SLAMF8: variants seen among roughly 807,000 people sequenced by gnomAD.
SLAMF8 encodes SLAM family member 8, also known as B lymphocyte activator macrophage expressed.
A neutral mutation model predicts 29.0 loss-of-function variants in SLAMF8; 23 were observed. The ratio of observed to expected loss-of-function variants is 0.79; its 90% CI spans 0.57 to 1.13. The LOEUF is 1.13. Among genes scored for constraint, SLAMF8 ranks in the 50% most tolerant of loss-of-function variants. The probability of loss-of-function intolerance (pLI) is 0.00; values close to 1 mark genes in which losing one functional copy is unlikely to be tolerated. For missense variants in SLAMF8, 381 were observed against 353.1 expected (o/e 1.08, Z -0.63); for synonymous variants, 139 against 145.6 (o/e 0.96, Z 0.32).
Position 159,836,381 on chromosome 1 carries a change from C to T in SLAMF8, c.*1121C>T, listed in dbSNP as rs1335208161. 1.0e-6 allele frequency: 1 copy of T among 985,348 alleles called. No homozygotes were observed. The highest frequency in any genetic ancestry group is 1.2e-6 in the Non-Finnish European group (1 of 829,952). 61.0% of individuals were successfully genotyped at this position (985,348 alleles called of 1,614,324 possible). A position where few individuals can be genotyped will look rare whatever the true frequency, so the allele number is the denominator to read the frequency against. On this transcript the variant is annotated 3_prime_UTR_variant, in exon 5 of 5. Transcript: ENST00000289707. ...TGTGGCCATCTTAGGAAAATACATT[C>T]TGCCCCTGAATGATTCTGTCTAGAA...
rs1434656056 is a variant in SLAMF8, at chr1:159,835,271, G to A, written c.*11G>A. ...CAGGATCTGCCATAAAGGACAATAT[G>A]AACTGATGCCTGGACTATCAGTAAC... On this transcript the variant is annotated 3_prime_UTR_variant, in exon 5 of 5. Coordinates refer to ENST00000289707, the MANE Select transcript of SLAMF8 (RefSeq NM_020125.3). 3.1e-6 allele frequency: 5 copies of A among 1,612,412 alleles called. No homozygotes were observed. Among genetic ancestry groups the A allele is most frequent in the Admixed American group, 1.7e-5 (1 of 59,704 alleles).
intron 2 of SLAMF8, among the ~76,000 whole-genome samples, chr1:159,831,478 A>C (rs1328180331): frequency 1.4e-5 from 2 of 139,554 alleles, no homozygotes; most frequent in African/African-American, 2.7e-5. Flanking sequence ...TTACCCTGTG[A>C]CCCCCCTTAG....
rs1418706809 is a variant in SLAMF8 at position 159,837,288 on chromosome 1, A to T, written c.*2028A>T. The T allele has an allele frequency of 1.0e-6, 1 of 985,358 alleles. No homozygotes were observed. The highest frequency in any genetic ancestry group is 1.2e-6 in the Non-Finnish European group (1 of 829,988). The allele number at this position is 985,358 out of a possible 1,614,324, so 61.0% of individuals were successfully genotyped here. A position where few individuals can be genotyped will look rare whatever the true frequency, so the allele number is the denominator to read the frequency against. ...TAGTGGACTAATTAACCCTCCACCA[A>T]AAAAACACAAAGTGCTTCTGTGAGA... On this transcript the variant is annotated 3_prime_UTR_variant, in exon 5 of 5. Coordinates refer to ENST00000289707, the MANE Select transcript of SLAMF8 (RefSeq NM_020125.3).
chr1:159,827,014 G>A lies in SLAMF8; in HGVS notation c.40+76G>A, dbSNP rs557519076. 1.3e-4 allele frequency: 203 copies of A among 1,581,978 alleles called. 1 individual carries two copies. The highest frequency in any genetic ancestry group is 8.9e-4 in the Admixed American group (52 of 58,676). On this transcript the variant is annotated intron_variant, in intron 1 of 4. Coordinates refer to ENST00000289707, the MANE Select transcript of SLAMF8 (RefSeq NM_020125.3). ...CCAGCTGCCTATGCCAGACGTCTGG[G>A]CAGGGATCCCTCGACCTGGGTGAGA...
intron 4 of SLAMF8, 59 bp downstream of exon 4, chr1:159,833,428 G>A (rs1647651463): frequency 3.7e-6 from 6 of 1,609,938 alleles, no homozygotes; most frequent in Non-Finnish European, 5.1e-6. Context: ...GGGGAGGAGG[G>A]GGTCTTGGAC....
chr1:159,836,871 G>A lies in SLAMF8; in HGVS notation c.*1611G>A. 1.0e-6 allele frequency: 1 copy of A among 985,392 alleles called. No individual in the cohort carries two copies. Among genetic ancestry groups the A allele is most frequent in the Non-Finnish European group, 1.2e-6 (1 of 829,960 alleles). The allele number at this position is 985,392 out of a possible 1,614,324, so 61.0% of individuals were successfully genotyped here. ...CTATCACCTTCCCCCAAGATTACCTGAACAGGGTCCATGGCCACTCAACCT... is the reference window on the plus strand; with the variant it reads ...CTATCACCTTCCCCCAAGATTACCTAAACAGGGTCCATGGCCACTCAACCT... On this transcript the variant is annotated 3_prime_UTR_variant, in exon 5 of 5. Transcript: ENST00000289707.
Position 159,830,205 on chromosome 1 carries a change from G to T in SLAMF8, c.367+13G>T. On this transcript the variant is annotated intron_variant, in intron 2 of 4. Coordinates refer to ENST00000289707, the MANE Select transcript of SLAMF8 (RefSeq NM_020125.3). Reference sequence around the variant, plus strand: ...CTCAAGGTGTACGGTGAGTGTGTCTGACACTGGCTGCCTGGCCCTCTTCCC... The same window carrying T: ...CTCAAGGTGTACGGTGAGTGTGTCTTACACTGGCTGCCTGGCCCTCTTCCC... 1 of 1,559,514 alleles carries T rather than the reference G, an allele frequency of 6.4e-7. No homozygotes were observed. Among genetic ancestry groups the T allele is most frequent in the South Asian group, 1.2e-5 (1 of 83,056 alleles).
chr1:159,836,472 T>C lies in SLAMF8; in HGVS notation c.*1212T>C. 3.0e-6 allele frequency: 3 copies of C among 985,468 alleles called. No homozygotes were observed. The highest frequency in any genetic ancestry group is 3.6e-6 in the Non-Finnish European group (3 of 829,938). The allele number at this position is 985,468 out of a possible 1,614,324, so 61.0% of individuals were successfully genotyped here. ...GAGCTAAACTTACCTTCGGGGATTA[T>C]TAGCTGATAAGGTTCACAGTTTCTC... On this transcript the variant is annotated 3_prime_UTR_variant, in exon 5 of 5. Coordinates refer to ENST00000289707, the MANE Select transcript of SLAMF8 (RefSeq NM_020125.3).
chr1:159,837,260 AACTAGTGG>A lies in SLAMF8; in HGVS notation c.*2005_*2012del. The A allele has an allele frequency of 1.0e-6, 1 of 985,468 alleles. No individual in the cohort carries two copies. Among genetic ancestry groups the A allele is most frequent in the Non-Finnish European group, 1.2e-6 (1 of 829,980 alleles). 61.0% of individuals were successfully genotyped at this position (985,468 alleles called of 1,614,324 possible). ...TCCCATCCTTAATGACTCACTTGTCAACTAGTGGACTAATTAACCCTCCACCAAAAAAA... is the reference window on the plus strand; with the variant it reads ...TCCCATCCTTAATGACTCACTTGTCAACTAATTAACCCTCCACCAAAAAAA... On this transcript the variant is annotated 3_prime_UTR_variant, in exon 5 of 5. Transcript: ENST00000289707.
intron 2 of SLAMF8, among the ~76,000 whole-genome samples, chr1:159,832,326 AG>A (rs1482744698): frequency 1.3e-5 from 2 of 152,212 alleles, no homozygotes; most frequent in Non-Finnish European, 2.9e-5. Flanking sequence ...CCAGAAGGCT[AG>A]GAATGTGTTT....
Position 159,830,092 on chromosome 1 carries a change from G to A in SLAMF8, c.267G>A (p.Glu89=). 6.2e-7 allele frequency: 1 copy of A among 1,614,224 alleles called. No individual in the cohort carries two copies. Among genetic ancestry groups the A allele is most frequent in the Non-Finnish European group, 8.5e-7 (1 of 1,180,048 alleles). The change falls in exon 2 of 5, where the codon GAG becomes GAA. Residue 89 remains glutamate (E), a synonymous_variant. Coordinates refer to ENST00000289707, the MANE Select transcript of SLAMF8 (RefSeq NM_020125.3). ...RAQLHSNLSL[E]LGPLESGDSG... The stretch of plus-strand genomic sequence containing the variant: ...AGCTACACAGCAACCTCAGCCTGGA[G>A]CTCGGGCCGCTGGAGTCTGGAGACA...
At chr1:159,831,444 G>A (rs1647481618) in intron 2 of SLAMF8, among the ~76,000 whole-genome samples, 1 of 151,926 alleles carries the variant, frequency 6.6e-6, no homozygotes, top group African/African-American at 2.4e-5. Flanking sequence ...CTGGATTTCA[G>A]CACCCCCCAC....
chr1:159,829,894 C>T lies in SLAMF8; in HGVS notation c.69C>T (p.Ala23=). Residue 23 remains alanine (A), a synonymous_variant, in exon 2 of 5, where the codon GCC becomes GCT. Transcript: ENST00000289707. ...TACTTCCCATTACAGTTACTGGTGC[C>T]CAAGTGCTGAGCAAAGTCGGGGGCT... is the stretch of plus-strand genomic sequence containing the variant. ...EALLPITVTG[A]QVLSKVGGSV... 2 of 1,613,336 alleles carry T rather than the reference C, an allele frequency of 1.2e-6. No homozygotes were observed. The highest frequency in any genetic ancestry group is 2.2e-5 in the South Asian group (2 of 90,972).
chr1:159,835,251 T>A lies in SLAMF8; in HGVS notation c.849T>A (p.Asp283Glu), dbSNP rs779727982. 15 of 1,613,882 alleles carry A rather than the reference T, an allele frequency of 9.3e-6. No homozygotes were observed. The highest frequency in any genetic ancestry group is 1.3e-5 in the Non-Finnish European group (15 of 1,179,956). ...GPETENPLVQ[D>E]LP ...AGACAGAGAACCCCCTTGTGCAGGA[T>A]CTGCCATAAAGGACAATATGAACTG... The change falls in exon 5 of 5, where the codon GAT becomes GAA. Residue 283 changes from aspartate (D) to glutamate (E), a missense_variant. Coordinates refer to ENST00000289707, the MANE Select transcript of SLAMF8 (RefSeq NM_020125.3).
At position 159,832,864 on chromosome 1, in the gene SLAMF8, T is replaced by C. The variant is rs776828824; in HGVS notation, c.368-12T>C. Reference sequence around the variant, plus strand: ...CCCTGAGACCCATACCAGCTGTACTTTTCTTTCCCAGATGCAGTGCCCAGG... The same window carrying C: ...CCCTGAGACCCATACCAGCTGTACTCTTCTTTCCCAGATGCAGTGCCCAGG... On this transcript the variant is annotated splice_polypyrimidine_tract_variant and intron_variant, in intron 2 of 4. Coordinates refer to ENST00000289707, the MANE Select transcript of SLAMF8 (RefSeq NM_020125.3). 6.2e-7 allele frequency: 1 copy of C among 1,610,332 alleles called. No homozygotes were observed. Among genetic ancestry groups the C allele is most frequent in the African/African-American group, 1.3e-5 (1 of 74,840 alleles).
At chr1:159,832,840 C>A in intron 2 of SLAMF8, 36 bp from the exon 3 acceptor site, 1 of 1,597,458 alleles carries the variant, frequency 6.3e-7, no homozygotes, top group Non-Finnish European at 8.6e-7. Context: ...GCCCAGCATC[C>A]CTGAGACCCA....
Position 159,835,598 on chromosome 1 carries a change from A to G in SLAMF8, c.*338A>G. On this transcript the variant is annotated 3_prime_UTR_variant, in exon 5 of 5. Coordinates refer to ENST00000289707, the MANE Select transcript of SLAMF8 (RefSeq NM_020125.3). ...AGTCCAAGGCATTCCCTCCCCCACC[A>G]CTATTCATAAAGTATTAACCAACTG... 9.5e-7 allele frequency: 1 copy of G among 1,056,344 alleles called. No homozygotes were observed. The highest frequency in any genetic ancestry group is 1.1e-6 in the Non-Finnish European group (1 of 875,120). 65.4% of individuals were successfully genotyped at this position (1,056,344 alleles called of 1,614,324 possible).
chr1:159,827,218 G>T (rs982669241), intron 1 of SLAMF8, among the ~76,000 whole-genome samples: 2 of 152,186 alleles, frequency 1.3e-5, no homozygotes, highest in African/African-American at 2.4e-5. Context: ...GGAGCCAGTG[G>T]GTGATACTGC....
intron 1 of SLAMF8, among the ~76,000 whole-genome samples, chr1:159,828,263 G>C (rs1212053780): frequency 6.6e-6 from 1 of 152,014 alleles, no homozygotes; most frequent in Non-Finnish European, 1.5e-5. Flanking sequence ...CAGCTGATCT[G>C]TGGCAGCACC....
Sources: allele counts gnomAD v4.1 joint callset (sites outside exome capture counted in the v4.1 genomes callset), GRCh38; gene constraint gnomAD v4.1.1; transcripts MANE v1.5; gene names NCBI Gene and HGNC (gene_info 2026-07-23, HGNC 2026-07-21).